Variants in WDR7 observed in about 807,000 individuals in gnomAD.
WDR7 encodes WD repeat-containing protein 7.
In WDR7, 46 loss-of-function variants were observed where a neutral mutation model predicts 169.4. The ratio of observed to expected loss-of-function variants is 0.27; its 90% CI spans 0.21 to 0.35. WDR7 has a LOEUF of 0.35. Among genes scored for constraint, WDR7 ranks in the 10% least tolerant of loss-of-function variants. The pLI is 1.00. For synonymous variants in WDR7, 612 were observed against 666.8 expected (o/e 0.92, Z 1.27); for missense variants, 1,534 against 1,859.3 (o/e 0.83, Z 3.22).
At chr18:56,669,621 C>T (rs1305771007) in intron 1 of WDR7, among the ~76,000 whole-genome samples, 1 of 151,858 alleles carries the variant, frequency 6.6e-6, no homozygotes, top group Non-Finnish European at 1.5e-5. Context: ...AGCATATGCC[C>T]TCAATGTACT....
At chr18:56,744,245 G>GAAAAAAAAAAAAAAAAAAAA (rs58110613) in intron 14 of WDR7, among the ~76,000 whole-genome samples, 1 of 86,884 alleles carries the variant, frequency 1.2e-5, no homozygotes. Context: ...TCTCAAAAAA[G>GAAAAAAAAAAAAAAAAAAAA]AAAAAAAAAA....
At chr18:56,923,820 TA>T in intron 21 of WDR7, 101 bp from the exon 22 acceptor site, 1 of 1,219,436 alleles carries the variant, frequency 8.2e-7, no homozygotes, top group Non-Finnish European at 1.1e-6. Flanking sequence ...CTTTTTCAGT[TA>T]AAAAATCAAA....
chr18:56,918,674 A>G (rs1233736591), intron 21 of WDR7, among the ~76,000 whole-genome samples: 2 of 152,160 alleles, frequency 1.3e-5, no homozygotes, highest in Non-Finnish European at 2.9e-5. Flanking sequence ...AACTTAGTAC[A>G]TTGTTTATAT....
chr18:56,892,046 G>C (rs1388053875), intron 21 of WDR7, among the ~76,000 whole-genome samples: 2 of 151,962 alleles, frequency 1.3e-5, no homozygotes, highest in Non-Finnish European at 2.9e-5. Context: ...TATAGACCCT[G>C]CCTGTCTTGA....
At chr18:56,769,286 C>T (rs1287774336) in intron 16 of WDR7, among the ~76,000 whole-genome samples, 7 of 150,934 alleles carry the variant, frequency 4.6e-5, no homozygotes, top group African/African-American at 7.3e-5. Flanking sequence ...GTGGTGCAAT[C>T]GTGGCTTACC....
chr18:56,891,263 TTTA>T (rs1391970151), intron 21 of WDR7, among the ~76,000 whole-genome samples: 3 of 152,272 alleles, frequency 2.0e-5, no homozygotes, highest in African/African-American at 7.2e-5. Flanking sequence ...GTTCAGCCTT[TTTA>T]TTGTGATTTT....
chr18:56,945,748 C>G (rs2047094266), intron 25 of WDR7, among the ~76,000 whole-genome samples: 2 of 152,122 alleles, frequency 1.3e-5, no homozygotes, highest in Admixed American at 6.6e-5. Flanking sequence ...TTTCCTGAAG[C>G]CTGGCAATTT....
At position 56,844,817 on chromosome 18, in the gene WDR7, C is replaced by T. The variant is rs143750813; in HGVS notation, c.3304+28673C>T. Among the ~76,000 whole-genome samples the T allele has an allele frequency of 1.4e-4, 22 of 152,314 alleles. No individual in the cohort carries two copies. The East Asian group carries it at 3.9e-3, about 27-fold the overall frequency. On this transcript the variant is annotated intron_variant, in intron 20 of 27. Coordinates refer to ENST00000254442, the MANE Select transcript of WDR7 (RefSeq NM_015285.3). ...CCTGCTAGTTATATTGATTTAAAGA[C>T]TCTTTCCTGGTATAGTAGTTCCTCC... is the stretch of plus-strand genomic sequence containing the variant.
intron 19 of WDR7, among the ~76,000 whole-genome samples, chr18:56,811,663 T>G (rs2044871702): frequency 6.6e-6 from 1 of 152,182 alleles, no homozygotes; most frequent in Non-Finnish European, 1.5e-5. Context: ...ATATAAATTA[T>G]GAGCCTTAGA....
At chr18:56,764,976 A>G (rs1371801967) in intron 16 of WDR7, among the ~76,000 whole-genome samples, 1 of 151,868 alleles carries the variant, frequency 6.6e-6, no homozygotes, top group South Asian at 2.1e-4. Context: ...TGATTATTTG[A>G]CCCTCGTCAT....
chr18:56,948,731 A>G lies in WDR7; in HGVS notation c.4064+9338A>G, dbSNP rs75734705. 1.5e-3 allele frequency among the ~76,000 whole-genome samples: 236 copies of G among 152,290 alleles called. 2 individuals carry two copies. The highest frequency in any genetic ancestry group is 5.4e-3 in the African/African-American group (226 of 41,578). Reference sequence around the variant, plus strand: ...CTGATGAGCTTTTTTTGTGCTGACAATCAGACCAAAGTGAAGCCCAGCTTT... The same window carrying G: ...CTGATGAGCTTTTTTTGTGCTGACAGTCAGACCAAAGTGAAGCCCAGCTTT... On this transcript the variant is annotated intron_variant, in intron 25 of 27. Transcript: ENST00000254442.
At chr18:56,908,953 A>T (rs1300199385) in intron 21 of WDR7, among the ~76,000 whole-genome samples, 1 of 152,206 alleles carries the variant, frequency 6.6e-6, no homozygotes, top group Admixed American at 6.5e-5. Context: ...TTCCAGATAA[A>T]TATCTGTGAT....
At chr18:56,660,856 G>A (rs1399490331) in intron 1 of WDR7, among the ~76,000 whole-genome samples, 1 of 152,156 alleles carries the variant, frequency 6.6e-6, no homozygotes, top group Non-Finnish European at 1.5e-5. Flanking sequence ...CAGTGGGGAG[G>A]TCATTGGTGA....
rs61634577 is a variant in WDR7 at position 57,023,967 on chromosome 18, T to G, written c.4270-3037T>G. ...CAAGAGAAGACTGCCATCAGCATTT[T>G]GTTGAACAAAAAGGCAAATTATGAA... On this transcript the variant is annotated intron_variant, in intron 27 of 27. Transcript: ENST00000254442. Among the ~76,000 whole-genome samples, 667 of 152,324 alleles carry G rather than the reference T, an allele frequency of 4.4e-3. 6 individuals carry two copies. Among genetic ancestry groups the G allele is most frequent in the African/African-American group, 0.015 (639 of 41,586 alleles).
chr18:56,708,939 ACAACAACAACAACAG>A (rs1183274656), intron 12 of WDR7, among the ~76,000 whole-genome samples: 2 of 150,674 alleles, frequency 1.3e-5, no homozygotes, highest in East Asian at 4.1e-4. Flanking sequence ...TCTGTCTCAA[ACAACAACAACAACAG>A]CAACAACAAC....
intron 27 of WDR7, 124 bp downstream of exon 27, chr18:57,020,973 A>C (rs2048281432): frequency 1.3e-6 from 1 of 783,894 alleles, no homozygotes; most frequent in Non-Finnish European, 2.1e-6. Flanking sequence ...TGCAGCAAAC[A>C]TCCAGTCTGT....
chr18:56,676,109 C>T (rs1233997805), intron 2 of WDR7, among the ~76,000 whole-genome samples: 1 of 152,120 alleles, frequency 6.6e-6, no homozygotes, highest in African/African-American at 2.4e-5. Context: ...GAATTGACTC[C>T]TTCATTATTA....
intron 19 of WDR7, among the ~76,000 whole-genome samples, chr18:56,806,428 A>G (rs2044774391): frequency 6.6e-6 from 1 of 152,098 alleles, no homozygotes; most frequent in African/African-American, 2.4e-5. Context: ...CCTTTCTTCA[A>G]ATGAAAACTT....
At chr18:56,751,325 A>C (rs1193597128) in intron 14 of WDR7, among the ~76,000 whole-genome samples, 2 of 152,202 alleles carry the variant, frequency 1.3e-5, no homozygotes, top group Non-Finnish European at 2.9e-5. Context: ...GAGAGCTTAA[A>C]GGGCTATCTT....
Sources: gnomAD v4.1 joint callset for allele counts (sites outside exome capture counted in the v4.1 genomes callset) on GRCh38, gnomAD v4.1.1 for gene constraint, MANE v1.5 for transcripts, NCBI Gene and HGNC (gene_info 2026-07-23, HGNC 2026-07-21) for gene names.